Variants in NELFB observed in about 807,000 individuals in gnomAD.
NELFB encodes the protein negative elongation factor complex member B.
NELFB carries 34 observed loss-of-function variants against 60.2 expected under a neutral mutation model. The ratio of observed to expected loss-of-function variants is 0.56; its 90% CI spans 0.43 to 0.75. The LOEUF (loss-of-function observed/expected upper bound fraction) is 0.75. Among genes scored for constraint, NELFB ranks in the 30% least tolerant of loss-of-function variants. The pLI, the probability that NELFB is intolerant of heterozygous loss-of-function variation, is 0.00. For missense variants in NELFB, 770 were observed against 831.6 expected (o/e 0.93, Z 0.91); for synonymous variants, 459 against 382.1 (o/e 1.20, Z -2.35).
At chr9:137,270,925 A>G (rs1037527753) in intron 10 of NELFB, among the ~76,000 whole-genome samples, 5 of 152,270 alleles carry the variant, frequency 3.3e-5, no homozygotes, top group African/African-American at 1.2e-4. Context: ...CTCAAAAAAA[A>G]TAAAAACCAG....
intron 4 of NELFB, among the ~76,000 whole-genome samples, chr9:137,261,784 C>T (rs1266303652): frequency 6.6e-6 from 1 of 151,956 alleles, no homozygotes; most frequent in Non-Finnish European, 1.5e-5. Flanking sequence ...AATGAAAAGA[C>T]AGCTGGGCCC....
chr9:137,257,107 T>G, intron 4 of NELFB, 53 bp downstream of exon 4: 1 of 1,496,238 alleles, frequency 6.7e-7, no homozygotes, highest in East Asian at 2.3e-5. Context: ...ATGCCACGGC[T>G]AGCGCCTTCA....
rs1830512971 is a variant in NELFB, at chr9:137,265,920, C to G, written c.1084C>G (p.Leu362Val). 3 of 1,613,144 alleles carry G rather than the reference C, an allele frequency of 1.9e-6. No homozygotes were observed. The highest frequency in any genetic ancestry group is 2.5e-6 in the Non-Finnish European group (3 of 1,179,946). Residue 362 changes from leucine (L) to valine (V), a missense_variant, in exon 7 of 13, where the codon CTG becomes GTG. Leu to Val is a conservative substitution (Grantham distance 32). Transcript: ENST00000343053. ...GTGTGACCCCTTCGCCATCAACACGCTGGCACTGAGCACAGTCAGGCACCT... is the reference window on the plus strand; with the variant it reads ...GTGTGACCCCTTCGCCATCAACACGGTGGCACTGAGCACAGTCAGGCACCT...
intron 12 of NELFB, 58 bp from the exon 13 acceptor site, chr9:137,272,724 C>G: frequency 6.6e-7 from 1 of 1,518,958 alleles, no homozygotes; most frequent in Non-Finnish European, 8.9e-7. Flanking sequence ...GCACCCACCC[C>G]TGTGCCCCCT....
intron 4 of NELFB, among the ~76,000 whole-genome samples, chr9:137,261,148 C>T (rs1830435541): frequency 1.3e-5 from 2 of 150,048 alleles, no homozygotes. Context: ...CGAGACCATC[C>T]TGGCTAACAT....
intron 3 of NELFB, 110 bp downstream of exon 3, chr9:137,256,538 T>TGCCCAAGTGCTGTCC: frequency 2.1e-6 from 2 of 947,456 alleles, no homozygotes; most frequent in South Asian, 1.4e-5. Context: ...CTGTGCTGCC[T>TGCCCAAGTGCTGTCC]GCCCAAGTGC....
Position 137,272,065 on chromosome 9 carries a change from C to T in NELFB, c.1490-16C>T. The stretch of plus-strand genomic sequence containing the variant: ...CAGGGTGAGTGGCACTGGGCTGATG[C>T]CTGCTGTGTCTGCAGTGGAGACCTT... On this transcript the variant is annotated splice_polypyrimidine_tract_variant and intron_variant, in intron 10 of 12. Transcript: ENST00000343053. The T allele has an allele frequency of 1.2e-6, 2 of 1,614,018 alleles. No homozygotes were observed. Among genetic ancestry groups the T allele is most frequent in the Non-Finnish European group, 1.7e-6 (2 of 1,179,934 alleles).
chr9:137,259,398 C>A (rs1156421539), intron 4 of NELFB, among the ~76,000 whole-genome samples: 1 of 152,176 alleles, frequency 6.6e-6, no homozygotes, highest in Non-Finnish European at 1.5e-5. Context: ...GTGGCAGTGC[C>A]ACCTCTGTCC....
In NELFB at chr9:137,266,985, C is replaced by T. The variant is rs1222109420; in HGVS notation, c.1281C>T (p.Ser427=). Residue 427 remains serine (S), a synonymous_variant, in exon 9 of 13, where the codon TCC becomes TCT. Transcript: ENST00000343053. ...CCAGGTTCCTCCCGATGCTCATGTC[C>T]TTCCTGGTGGATGACTACACTTTCA... 6.2e-6 allele frequency: 10 copies of T among 1,613,866 alleles called. No individual in the cohort carries two copies. The highest frequency in any genetic ancestry group is 8.5e-6 in the Non-Finnish European group (10 of 1,180,002).
chr9:137,256,958 G>A lies in NELFB; in HGVS notation c.645G>A (p.Gln215=). Reference sequence around the variant, plus strand: ...ACGAGGTTTCCCCACTCCTGAAGCAGTACATCCTGGAGAAGGAGAGCGCTC... The same window carrying A: ...ACGAGGTTTCCCCACTCCTGAAGCAATACATCCTGGAGAAGGAGAGCGCTC... Residue 215 remains glutamine, a synonymous_variant, in exon 4 of 13, where the codon CAG becomes CAA. Transcript: ENST00000343053. 1 of 1,614,192 alleles carries A rather than the reference G, an allele frequency of 6.2e-7. No homozygotes were observed. Among genetic ancestry groups the A allele is most frequent in the Non-Finnish European group, 8.5e-7 (1 of 1,180,046 alleles).
At chr9:137,268,381 C>T (rs9695088) in intron 10 of NELFB, among the ~76,000 whole-genome samples, 103,795 of 151,976 alleles carry the variant, frequency 0.68, 36,148 homozygotes, top group Admixed American at 0.77. Context: ...GTCAGGAGTT[C>T]GAGACCAGTC....
Position 137,269,665 on chromosome 9 carries a change from G to A in NELFB, c.1489+2319G>A, listed in dbSNP as rs1428299923. Among the ~76,000 whole-genome samples, 1 of 152,246 alleles carries A rather than the reference G, an allele frequency of 6.6e-6. No individual in the cohort carries two copies. The highest frequency in any genetic ancestry group is 6.5e-5 in the Admixed American group (1 of 15,290). ...TGTGCTGTGCAGGTGTCTAGCTCAG[G>A]GGCATGAGGCCATGGCCCAGCCCAG... On this transcript the variant is annotated intron_variant, in intron 10 of 12. Transcript: ENST00000343053. This position sits in a 1 kb window ranked among gnomAD's most constrained non-coding sequence, Gnocchi z 5.3.
rs1196828680 is a variant in NELFB, at chr9:137,272,864, AGGCTGC to A, written c.1826_1831del (p.Ala609_Ala610del). On this transcript the variant is annotated inframe_deletion, in exon 13 of 13. Transcript: ENST00000343053. Reference sequence around the variant, plus strand: ...GATCACCGGAAGCCCAGCCCGGCACAGGCTGCGGAGACGCCGGCCCTGGAGCTGCCC... The same window carrying A: ...GATCACCGGAAGCCCAGCCCGGCACAGGAGACGCCGGCCCTGGAGCTGCCC... 1.9e-6 allele frequency: 3 copies of A among 1,549,048 alleles called. No individual in the cohort carries two copies. Among genetic ancestry groups the A allele is most frequent in the South Asian group, 1.2e-5 (1 of 83,974 alleles).
chr9:137,258,117 GGTT>G (rs1331040253), intron 4 of NELFB, among the ~76,000 whole-genome samples: 25 of 117,522 alleles, frequency 2.1e-4, no homozygotes, highest in Non-Finnish European at 3.8e-4. Flanking sequence ...GATTTGTTGG[GGTT>G]TTTTTTTTTT....
rs1457448354 is a variant in NELFB, at chr9:137,255,618, C to T, written c.246+7C>T. 1 of 1,544,942 alleles carries T rather than the reference C, an allele frequency of 6.5e-7. No homozygotes were observed. On this transcript the variant is annotated splice_region_variant and intron_variant, in intron 1 of 12. Transcript: ENST00000343053. ...GGCCATCGAGCAGTTCCAGGTGGGG[C>T]GGCCCCCGGGGCGGGGGGAGCCCAG...
At position 137,255,433 on chromosome 9, in the gene NELFB, C is replaced by T. The variant is rs1276459542; in HGVS notation, c.68C>T (p.Ser23Phe). The change falls in exon 1 of 13, where the codon TCT (serine) becomes TTT (phenylalanine). Residue 23 changes from serine (S) to phenylalanine (F), a missense_variant. Physicochemically the swap from Ser to Phe is radical, Grantham distance 155. Coordinates refer to ENST00000343053, the MANE Select transcript of NELFB (RefSeq NM_015456.5). ...CCCCGAGGCCCGGCGGAGCGGGCTT[C>T]TGGGGTGTCTGCGGCGGCGCCGGGG... 1 of 1,331,356 alleles carries T rather than the reference C, an allele frequency of 7.5e-7. No homozygotes were observed. The highest frequency in any genetic ancestry group is 1.5e-5 in the African/African-American group (1 of 64,652). 82.5% of individuals were successfully genotyped at this position (1,331,356 alleles called of 1,614,324 possible). A position where few individuals can be genotyped will look rare whatever the true frequency, so the allele number is the denominator to read the frequency against.
intron 10 of NELFB, among the ~76,000 whole-genome samples, chr9:137,267,752 A>G (rs1830538583): frequency 6.6e-6 from 1 of 152,128 alleles, no homozygotes; most frequent in Non-Finnish European, 1.5e-5. Context: ...TCGGCCTCCC[A>G]AAGTGTTGGG....
At position 137,273,220 on chromosome 9, in the gene NELFB, A is replaced by C; in HGVS notation, c.*292A>C. 6 of 190,810 alleles carry C rather than the reference A, an allele frequency of 3.1e-5. No homozygotes were observed. Among genetic ancestry groups the C allele is most frequent in the East Asian group, 1.3e-4 (1 of 7,506 alleles). 11.8% of individuals were successfully genotyped at this position (190,810 alleles called of 1,614,324 possible). A position where few individuals can be genotyped will look rare whatever the true frequency, so the allele number is the denominator to read the frequency against. On this transcript the variant is annotated 3_prime_UTR_variant, in exon 13 of 13. Coordinates refer to ENST00000343053, the MANE Select transcript of NELFB (RefSeq NM_015456.5). ...TTAGGAAAAAACCACCTGTTTTCCA[A>C]GGGGAGAGGGCGGGGCCTGAGGGTG... is the stretch of plus-strand genomic sequence containing the variant.
At chr9:137,272,314 G>A (rs992167722) in intron 11 of NELFB, 92 bp downstream of exon 11, 41 of 1,565,078 alleles carry the variant, frequency 2.6e-5, no homozygotes, top group Middle Eastern at 1.7e-4. Flanking sequence ...AGCCTGGGGC[G>A]GAGGGTCCGC....
Sources: allele counts gnomAD v4.1 joint callset (sites outside exome capture counted in the v4.1 genomes callset), GRCh38; gene constraint gnomAD v4.1.1; non-coding constraint Gnocchi (gnomAD v3.1); transcripts MANE v1.5; gene names NCBI Gene and HGNC (gene_info 2026-07-23, HGNC 2026-07-21).